PARP8: variants seen among roughly 807,000 people sequenced by gnomAD.
The protein encoded by PARP8 is protein mono-ADP-ribosyltransferase PARP8.
In PARP8, 51 loss-of-function variants were observed where a neutral mutation model predicts 124.1. The ratio of observed to expected loss-of-function variants is 0.41; its 90% CI spans 0.33 to 0.52. The LOEUF (loss-of-function observed/expected upper bound fraction) is 0.52. Among genes scored for constraint, PARP8 ranks in the 20% least tolerant of loss-of-function variants. The pLI, the probability that PARP8 is intolerant of heterozygous loss-of-function variation, is 0.21. For missense variants in PARP8, 860 were observed against 1,018.9 expected (o/e 0.84, Z 2.12); for synonymous variants, 391 against 361.5 (o/e 1.08, Z -0.93).
chr5:50,798,121 A>G (rs1742762777), intron 14 of PARP8, among the ~76,000 whole-genome samples: 1 of 152,238 alleles, frequency 6.6e-6, no homozygotes, highest in African/African-American at 2.4e-5. Flanking sequence ...AGGACCATCC[A>G]TATAGCATAT....
intron 2 of PARP8, among the ~76,000 whole-genome samples, chr5:50,737,033 C>G (rs190236243): frequency 1.3e-4 from 20 of 152,266 alleles, no homozygotes; most frequent in African/African-American, 4.6e-4. Context: ...TGAAGAAACT[C>G]TCTCCACCTG....
At position 50,755,002 on chromosome 5, in the gene PARP8, A is replaced by G. The variant is rs554566364; in HGVS notation, c.185-4641A>G. Among the ~76,000 whole-genome samples the G allele has an allele frequency of 2.6e-5, 4 of 152,250 alleles. No individual in the cohort carries two copies. The East Asian group carries it at 5.8e-4, about 22-fold the overall frequency. On this transcript the variant is annotated intron_variant, in intron 3 of 25. Coordinates refer to ENST00000281631, the MANE Select transcript of PARP8 (RefSeq NM_024615.4). Reference sequence around the variant, plus strand: ...GTCTTCTTTTGAGAAGTGTCTGTTCATATCCTTCGCCCACTTTTTGATGGG... The same window carrying G: ...GTCTTCTTTTGAGAAGTGTCTGTTCGTATCCTTCGCCCACTTTTTGATGGG...
intron 3 of PARP8, among the ~76,000 whole-genome samples, chr5:50,752,116 CT>C (rs77791114): frequency 6.6e-6 from 1 of 151,828 alleles, no homozygotes; most frequent in Non-Finnish European, 1.5e-5. Flanking sequence ...ATTTACCAAG[CT>C]TTTTTTTAAA....
At chr5:50,761,371 A>G (rs577357873) in intron 5 of PARP8, among the ~76,000 whole-genome samples, 1 of 152,242 alleles carries the variant, frequency 6.6e-6, no homozygotes, top group Admixed American at 6.5e-5. Context: ...ATTTATTTTC[A>G]TAATTTGATT....
chr5:50,778,737 C>G, intron 9 of PARP8, 87 bp downstream of exon 9: 1 of 781,014 alleles, frequency 1.3e-6, no homozygotes, highest in Non-Finnish European at 1.9e-6. Flanking sequence ...TTTGTCAGTT[C>G]TGAGCAAAAG....
At chr5:50,831,624 C>A (rs1746996627) in intron 22 of PARP8, among the ~76,000 whole-genome samples, 1 of 151,994 alleles carries the variant, frequency 6.6e-6, no homozygotes, top group Non-Finnish European at 1.5e-5. Flanking sequence ...GCTAAGAAAC[C>A]AGCTGAAATA....
intron 7 of PARP8, among the ~76,000 whole-genome samples, chr5:50,773,189 A>G (rs1354319912): frequency 6.6e-6 from 1 of 152,082 alleles, no homozygotes; most frequent in Non-Finnish European, 1.5e-5. Flanking sequence ...ATGTAATCCC[A>G]TTTGTCCATT....
At position 50,682,104 on chromosome 5, in the gene PARP8, C is replaced by G. The variant is rs113862319; in HGVS notation, c.146+13979C>G. On this transcript the variant is annotated intron_variant, in intron 2 of 25. Coordinates refer to ENST00000281631, the MANE Select transcript of PARP8 (RefSeq NM_024615.4). ...TGGCTACAATGCAGTGTAAATATTGCACATGGGACCATTTGTCATATTGGC... is the reference window on the plus strand; with the variant it reads ...TGGCTACAATGCAGTGTAAATATTGGACATGGGACCATTTGTCATATTGGC... Among the ~76,000 whole-genome samples the G allele has an allele frequency of 1.3e-3, 201 of 152,198 alleles. 1 individual carries two copies. Among genetic ancestry groups the G allele is most frequent in the African/African-American group, 4.8e-3 (199 of 41,522 alleles).
At chr5:50,703,360 A>T in intron 2 of PARP8, among the ~76,000 whole-genome samples, 1 of 151,958 alleles carries the variant, frequency 6.6e-6, no homozygotes, top group East Asian at 1.9e-4. Flanking sequence ...AATCACTGGG[A>T]AATGCTATTT....
chr5:50,702,206 A>G (rs1447784482), intron 2 of PARP8, among the ~76,000 whole-genome samples: 3 of 152,180 alleles, frequency 2.0e-5, no homozygotes, highest in Admixed American at 6.5e-5. Flanking sequence ...TTTTAATTAC[A>G]CTAAGAAAGG....
intron 25 of PARP8, among the ~76,000 whole-genome samples, chr5:50,836,466 A>G (rs1747594758): frequency 6.6e-6 from 1 of 152,194 alleles, no homozygotes; most frequent in Non-Finnish European, 1.5e-5. Context: ...ACCTGGATCT[A>G]TTAGCACCAG....
chr5:50,831,726 A>G (rs1747007433), intron 22 of PARP8, among the ~76,000 whole-genome samples: 1 of 152,164 alleles, frequency 6.6e-6, no homozygotes, highest in African/African-American at 2.4e-5. Flanking sequence ...GACTCCTTCA[A>G]TGGGTACATG....
intron 1 of PARP8, 103 bp downstream of exon 1, chr5:50,667,289 ATTCTGG>A: frequency 8.2e-7 from 1 of 1,223,172 alleles, no homozygotes; most frequent in South Asian, 1.2e-5. Flanking sequence ...GCACGTCCCC[ATTCTGG>A]GGTTCATTTG....
intron 25 of PARP8, among the ~76,000 whole-genome samples, chr5:50,841,226 G>A (rs540884487): frequency 6.6e-6 from 1 of 151,882 alleles, no homozygotes; most frequent in South Asian, 2.1e-4. Flanking sequence ...CTCTGAATAT[G>A]ATCATGAAAG....
chr5:50,752,081 C>T (rs1759320096), intron 3 of PARP8, among the ~76,000 whole-genome samples: 1 of 151,810 alleles, frequency 6.6e-6, no homozygotes, highest in Non-Finnish European at 1.5e-5. Flanking sequence ...CAGTTGTTTT[C>T]AGAAAGGAAA....
chr5:50,804,054 A>G (rs1250576836), intron 14 of PARP8, among the ~76,000 whole-genome samples: 2 of 152,186 alleles, frequency 1.3e-5, no homozygotes, highest in African/African-American at 2.4e-5. Flanking sequence ...AGTCATGGGC[A>G]AGCACATGGC....
intron 7 of PARP8, 134 bp downstream of exon 7, chr5:50,763,376 A>G: frequency 1.6e-6 from 1 of 615,392 alleles, no homozygotes; most frequent in Non-Finnish European, 2.8e-6. Flanking sequence ...TCTACTGTTT[A>G]TCCTTACACA....
intron 3 of PARP8, among the ~76,000 whole-genome samples, chr5:50,756,270 G>A (rs1243481993): frequency 6.6e-6 from 1 of 152,138 alleles, no homozygotes; most frequent in Non-Finnish European, 1.5e-5. Flanking sequence ...AGTTTTCAAA[G>A]GGAATGCTTC....
In PARP8 at chr5:50,776,749, C is replaced by T. The variant is rs72756134; in HGVS notation, c.519-1320C>T. 3.0e-3 allele frequency among the ~76,000 whole-genome samples: 462 copies of T among 152,172 alleles called. 1 individual carries two copies. The highest frequency in any genetic ancestry group is 5.1e-3 in the Non-Finnish European group (349 of 67,966). On this transcript the variant is annotated intron_variant, in intron 7 of 25. Transcript: ENST00000281631. ...ATTCATTAAATCACATAAAATTTTT[C>T]AATCATTAAAAGTTTCTTCTCTGAA...
Sources: gnomAD v4.1 joint callset for allele counts (sites outside exome capture counted in the v4.1 genomes callset) on GRCh38, gnomAD v4.1.1 for gene constraint, MANE v1.5 for transcripts, NCBI Gene and HGNC (gene_info 2026-07-23, HGNC 2026-07-21) for gene names.